CDH18: variants seen among roughly 807,000 people sequenced by gnomAD.
CDH18 encodes cadherin 18.
A neutral mutation model predicts 67.9 loss-of-function variants in CDH18; 31 were observed. That is an observed-to-expected ratio of 0.46 (90% confidence interval 0.34 to 0.62). CDH18 has a LOEUF of 0.62. Ranked by LOEUF, CDH18 falls within the 20% of genes least tolerant of loss-of-function variation. The pLI is 0.01. For missense variants in CDH18, 890 were observed against 975.5 expected (o/e 0.91, Z 1.17); for synonymous variants, 362 against 347.2 (o/e 1.04, Z -0.48).
chr5:20,109,431 T>A (rs529087891), intron 2 of CDH18, among the ~76,000 whole-genome samples: 1 of 152,268 alleles, frequency 6.6e-6, no homozygotes, highest in East Asian at 1.9e-4. Flanking sequence ...ATAAAAATGA[T>A]CTGAGTTGAT....
chr5:19,537,377 TTCTC>T (rs574265211), intron 9 of CDH18, among the ~76,000 whole-genome samples: 5 of 151,730 alleles, frequency 3.3e-5, no homozygotes, highest in African/African-American at 9.7e-5. Context: ...CCCTCTCTCT[TTCTC>T]TCTCTCTTTC....
chr5:19,890,727 T>C (rs1454163293), intron 2 of CDH18, among the ~76,000 whole-genome samples: 3 of 152,006 alleles, frequency 2.0e-5, no homozygotes, highest in Non-Finnish European at 2.9e-5. Context: ...CCTGAGTAGT[T>C]GGGATTATAG....
At chr5:20,205,765 A>C (rs1739830090) in intron 2 of CDH18, among the ~76,000 whole-genome samples, 1 of 151,886 alleles carries the variant, frequency 6.6e-6, no homozygotes, top group Non-Finnish European at 1.5e-5. Flanking sequence ...TGAATGACTA[A>C]CATGTGAATG....
At chr5:20,155,389 G>A (rs570816318) in intron 2 of CDH18, among the ~76,000 whole-genome samples, 149 of 152,018 alleles carry the variant, frequency 9.8e-4, no homozygotes, top group African/African-American at 3.3e-3. Flanking sequence ...GTCTGTACAC[G>A]TTCTTTGCCC....
chr5:19,693,216 G>A (rs974898464), intron 5 of CDH18, among the ~76,000 whole-genome samples: 2 of 152,088 alleles, frequency 1.3e-5, no homozygotes, highest in African/African-American at 2.4e-5. Flanking sequence ...ATTGTAGAGA[G>A]TAGCATGATA....
At chr5:20,398,363 TTA>T (rs1342295143) in intron 1 of CDH18, among the ~76,000 whole-genome samples, 1 of 152,168 alleles carries the variant, frequency 6.6e-6, no homozygotes, top group East Asian at 1.9e-4. Context: ...CTAAATTAAT[TTA>T]GTTTAAATTT....
At chr5:20,009,640 A>G (rs1303031911) in intron 2 of CDH18, among the ~76,000 whole-genome samples, 1 of 152,150 alleles carries the variant, frequency 6.6e-6, no homozygotes, top group African/African-American at 2.4e-5. Context: ...GCTAAATAAA[A>G]AGTCAAATAA....
At chr5:19,712,311 A>C (rs1242523795) in intron 5 of CDH18, among the ~76,000 whole-genome samples, 1 of 152,084 alleles carries the variant, frequency 6.6e-6, no homozygotes, top group Non-Finnish European at 1.5e-5. Context: ...AAGAAAATAC[A>C]GATAATTAAA....
rs1374528401 is a variant in CDH18 at position 19,476,210 on chromosome 5, T to A, written c.1883-2494A>T. The stretch of plus-strand genomic sequence containing the variant: ...TAGAACCATCCAGAAACGTGTGAAA[T>A]GAAAAGATATTAGCATTGGGAAGGT... On this transcript the variant is annotated intron_variant, in intron 12 of 12. Transcript: ENST00000382275. Among the ~76,000 whole-genome samples the A allele has an allele frequency of 2.6e-5, 4 of 151,846 alleles. No homozygotes were observed. In the South Asian group the frequency reaches 8.3e-4, roughly 32 times the overall value.
At chr5:19,771,777 A>G (rs550044888) in intron 3 of CDH18, among the ~76,000 whole-genome samples, 1 of 152,336 alleles carries the variant, frequency 6.6e-6, no homozygotes, top group East Asian at 1.9e-4. Flanking sequence ...ATTTGTATAC[A>G]TTTATAGGCC....
At chr5:20,231,319 G>A (rs997400528) in intron 2 of CDH18, among the ~76,000 whole-genome samples, 2 of 152,076 alleles carry the variant, frequency 1.3e-5, no homozygotes, top group Non-Finnish European at 2.9e-5. Context: ...GAAATTACTG[G>A]ATAATATCGG....
chr5:20,007,890 C>T (rs1737052843), intron 2 of CDH18, among the ~76,000 whole-genome samples: 1 of 152,052 alleles, frequency 6.6e-6, no homozygotes. Flanking sequence ...GTCAGGCCCA[C>T]TTGATTATAG....
chr5:20,326,473 A>T (rs183565047), intron 1 of CDH18, among the ~76,000 whole-genome samples: 289 of 152,214 alleles, frequency 1.9e-3, no homozygotes, highest in African/African-American at 6.4e-3. Context: ...TAGAGGAAAA[A>T]AGTCTGACTG....
At chr5:20,281,323 G>A (rs1746254269) in intron 1 of CDH18, among the ~76,000 whole-genome samples, 1 of 152,232 alleles carries the variant, frequency 6.6e-6, no homozygotes, top group East Asian at 1.9e-4. Flanking sequence ...TTTTCTTCTA[G>A]GGATTTTATG....
At chr5:20,505,827 T>C (rs1471733359) in intron 1 of CDH18, among the ~76,000 whole-genome samples, 1 of 152,200 alleles carries the variant, frequency 6.6e-6, no homozygotes, top group Non-Finnish European at 1.5e-5. Flanking sequence ...AATCAGGTTA[T>C]CTGCCCTGAG....
At chr5:19,766,901 A>G (rs1773162991) in intron 3 of CDH18, among the ~76,000 whole-genome samples, 1 of 152,076 alleles carries the variant, frequency 6.6e-6, no homozygotes, top group African/African-American at 2.4e-5. Flanking sequence ...CTATTATACT[A>G]TCTTTTCTTT....
chr5:20,379,764 T>A (rs1239653292), intron 1 of CDH18, among the ~76,000 whole-genome samples: 1 of 151,722 alleles, frequency 6.6e-6, no homozygotes, highest in Non-Finnish European at 1.5e-5. Flanking sequence ...AAAGTTGTAC[T>A]GTGGATAGCA....
chr5:20,241,135 A>G (rs1742862537), intron 2 of CDH18, among the ~76,000 whole-genome samples: 2 of 152,220 alleles, frequency 1.3e-5, no homozygotes, highest in South Asian at 4.1e-4. Flanking sequence ...ACAAATATAA[A>G]AAAGTGTCTT....
intron 10 of CDH18, among the ~76,000 whole-genome samples, chr5:19,508,492 A>G (rs554850491): frequency 1.8e-4 from 28 of 152,256 alleles, no homozygotes; most frequent in African/African-American, 6.7e-4. Flanking sequence ...GATCTAATTA[A>G]TACATAGAAT....
Sources: allele counts gnomAD v4.1 joint callset (sites outside exome capture counted in the v4.1 genomes callset), GRCh38; gene constraint gnomAD v4.1.1; transcripts MANE v1.5; gene names NCBI Gene and HGNC (gene_info 2026-07-23, HGNC 2026-07-21).